Variants in AKAP19 observed in about 807,000 individuals in gnomAD.
The protein encoded by AKAP19 is A-kinase anchoring protein 19.
the AKAP19 span, among the ~76,000 whole-genome samples, chr2:189,971,957 C>T: frequency 1.3e-5 from 2 of 151,648 alleles, no homozygotes; most frequent in African/African-American, 4.8e-5. Context: ...ATGGTAGTTT[C>T]TTTTGCTGTG....
chr2:190,194,615 G>GT, the AKAP19 span, among the ~76,000 whole-genome samples: 1 of 151,926 alleles, frequency 6.6e-6, no homozygotes, highest in Non-Finnish European at 1.5e-5. Context: ...TTTGACAAAT[G>GT]TATGACAGAA....
chr2:190,132,006 A>G, the AKAP19 span, among the ~76,000 whole-genome samples: 1 of 152,228 alleles, frequency 6.6e-6, no homozygotes, highest in Non-Finnish European at 1.5e-5. Context: ...ATAGATAATT[A>G]TAGCATTTCT....
chr2:190,139,907 TCATCTGAGA>T, the AKAP19 span, among the ~76,000 whole-genome samples: 1 of 152,112 alleles, frequency 6.6e-6, no homozygotes, highest in African/African-American at 2.4e-5. Context: ...GTCCAAAGTC[TCATCTGAGA>T]CAAGGCAAGT....
At chr2:190,142,705 C>T in the AKAP19 span, among the ~76,000 whole-genome samples, 138,794 of 152,302 alleles carry the variant, frequency 0.91, 64,151 homozygotes, top group East Asian at 1. Context: ...TTGATACCAG[C>T]GGGCTGGGGG....
the AKAP19 span, among the ~76,000 whole-genome samples, chr2:190,097,859 CAAAAAA>C: frequency 1.1e-3 from 71 of 64,488 alleles, no homozygotes; most frequent in East Asian, 0.017. Context: ...TGGTTTCTAC[CAAAAAA>C]AAAAAAAAAA....
chr2:189,972,535 T>A, the AKAP19 span, among the ~76,000 whole-genome samples: 1 of 152,224 alleles, frequency 6.6e-6, no homozygotes, highest in African/African-American at 2.4e-5. Context: ...ATTGGTAGCT[T>A]GATGGGGATG....
the AKAP19 span, among the ~76,000 whole-genome samples, chr2:190,121,195 C>G: frequency 6.6e-6 from 1 of 150,916 alleles, no homozygotes; most frequent in Admixed American, 6.6e-5. Context: ...TCACTGCAGC[C>G]TTGACTTCTT....
the AKAP19 span, among the ~76,000 whole-genome samples, chr2:190,183,555 T>C: frequency 1.6e-4 from 25 of 152,180 alleles, no homozygotes; most frequent in African/African-American, 6.0e-4. Flanking sequence ...AAGTTTCGAA[T>C]TTTGCCAGAG....
At chr2:189,908,628 G>C in the AKAP19 span, among the ~76,000 whole-genome samples, 1 of 152,140 alleles carries the variant, frequency 6.6e-6, no homozygotes, top group African/African-American at 2.4e-5. Flanking sequence ...TTGTTCAGGA[G>C]CATGTAATTT....
At chr2:189,968,466 G>A in the AKAP19 span, among the ~76,000 whole-genome samples, 1,386 of 152,188 alleles carry the variant, frequency 9.1e-3, 13 homozygotes, top group Non-Finnish European at 0.016. Flanking sequence ...TCTTCACCTC[G>A]TGGCCTCAAG....
chr2:189,934,062 T>G, the AKAP19 span, among the ~76,000 whole-genome samples: 1 of 152,120 alleles, frequency 6.6e-6, no homozygotes. Context: ...TTGTAAGCCA[T>G]TCTGTACACC....
At chr2:190,173,804 G>C in the AKAP19 span, among the ~76,000 whole-genome samples, 2 of 152,170 alleles carry the variant, frequency 1.3e-5, no homozygotes, top group Non-Finnish European at 2.9e-5. Context: ...AAATTGTTAA[G>C]TACAGTGAGT....
At chr2:190,163,108 T>C in the AKAP19 span, among the ~76,000 whole-genome samples, 3 of 152,194 alleles carry the variant, frequency 2.0e-5, no homozygotes, top group African/African-American at 7.2e-5. Context: ...ATTAGATTTT[T>C]ATTAGGTCAT....
the AKAP19 span, among the ~76,000 whole-genome samples, chr2:190,058,227 A>T: frequency 6.6e-6 from 1 of 152,008 alleles, no homozygotes; most frequent in East Asian, 1.9e-4. Context: ...GTATTTAAAA[A>T]TTTGTTGATT....
At chr2:189,986,418 C>CAA in the AKAP19 span, among the ~76,000 whole-genome samples, 25 of 139,994 alleles carry the variant, frequency 1.8e-4, no homozygotes, top group South Asian at 1.1e-3. Flanking sequence ...AAAAGAAAAA[C>CAA]AAAAAAAAAA....
chr2:190,097,212 G>C, the AKAP19 span, among the ~76,000 whole-genome samples: 1 of 152,070 alleles, frequency 6.6e-6, no homozygotes, highest in Non-Finnish European at 1.5e-5. Context: ...TCTTCCTGAG[G>C]CTCTCCCTCC....
chr2:190,038,943 CTTCT>C, the AKAP19 span, among the ~76,000 whole-genome samples: 37 of 144,328 alleles, frequency 2.6e-4, 1 homozygote, highest in African/African-American at 1.0e-3. Context: ...TCTTCTTCTT[CTTCT>C]TCTTCTTCTT....
chr2:190,075,506 G>C, the AKAP19 span, among the ~76,000 whole-genome samples: 2 of 152,082 alleles, frequency 1.3e-5, no homozygotes, highest in Non-Finnish European at 2.9e-5. Flanking sequence ...GTATTTTAAA[G>C]CTCTATAATT....
chr2:190,200,099 A>G, the AKAP19 span: 1 of 1,614,078 alleles, frequency 6.2e-7, no homozygotes. Flanking sequence ...TGGGCATGCA[A>G]TAACATCAAG....
Sources: allele counts gnomAD v4.1 joint callset (sites outside exome capture counted in the v4.1 genomes callset), GRCh38; gene constraint gnomAD v4.1.1; transcripts MANE v1.5; gene names NCBI Gene and HGNC (gene_info 2026-07-23, HGNC 2026-07-21).